Variants in PRKDC observed in about 807,000 individuals in gnomAD.
PRKDC encodes protein kinase, DNA-activated, catalytic subunit.
PRKDC carries 82 observed loss-of-function variants against 486.9 expected under a neutral mutation model. That is an observed-to-expected ratio of 0.17 (90% CI 0.14 to 0.20). The LOEUF is 0.20. PRKDC is among the 10% of genes least tolerant of loss of function. PRKDC has a pLI of 1.00. For synonymous variants in PRKDC, 1,895 were observed against 1,837.0 expected, an observed-to-expected ratio of 1.03 and a Z score of -0.81; for missense variants, 4,504 against 5,038.2, an observed-to-expected ratio of 0.89 and a Z score of 3.21.
At chr8:47,793,044 G>C in intron 74 of PRKDC, among the ~76,000 whole-genome samples, 1 of 152,116 alleles carries the variant, frequency 6.6e-6, no homozygotes, top group East Asian at 1.9e-4. Context: ...ACCATGCTTA[G>C]CTTATTTTTA....
intron 85 of PRKDC, among the ~76,000 whole-genome samples, chr8:47,776,598 C>T (rs773229533): frequency 7.2e-5 from 11 of 152,286 alleles, no homozygotes; most frequent in East Asian, 1.9e-4. Context: ...CTCCAATTGG[C>T]GCCACTGTTC....
At chr8:47,790,092 A>T (rs1046563082) in intron 74 of PRKDC, among the ~76,000 whole-genome samples, 1 of 152,206 alleles carries the variant, frequency 6.6e-6, no homozygotes, top group African/African-American at 2.4e-5. Context: ...AATAAAGGGT[A>T]TCTATATTAG....
intron 7 of PRKDC, among the ~76,000 whole-genome samples, chr8:47,948,679 C>G (rs922265950): frequency 1.3e-5 from 2 of 148,934 alleles, no homozygotes; most frequent in African/African-American, 2.5e-5. Context: ...TCAGGCTGGT[C>G]TCGAACTCCC....
At chr8:47,843,312 C>T (rs778936903) in intron 54 of PRKDC, among the ~76,000 whole-genome samples, 12 of 151,918 alleles carry the variant, frequency 7.9e-5, no homozygotes, top group Non-Finnish European at 1.3e-4. Flanking sequence ...AGCTTGAAGA[C>T]CAGTCCTTCA....
chr8:47,944,086 C>T (rs1304038117), intron 7 of PRKDC, 57 bp from the exon 8 acceptor site: 12 of 1,383,788 alleles, frequency 8.7e-6, no homozygotes, highest in Non-Finnish European at 1.0e-6. Flanking sequence ...ACATAACACA[C>T]TTTACAGACA....
chr8:47,849,529 T>A (rs2088355341), intron 52 of PRKDC, 26 bp from the exon 53 acceptor site: 1 of 1,607,806 alleles, frequency 6.2e-7, no homozygotes, highest in Admixed American at 1.7e-5. Context: ...TATTTTCAAA[T>A]ACACAAAAGT....
chr8:47,947,777 G>A (rs1289827285), intron 7 of PRKDC, among the ~76,000 whole-genome samples: 1 of 152,014 alleles, frequency 6.6e-6, no homozygotes, highest in African/African-American at 2.4e-5. Context: ...ACATGGCATT[G>A]CGCACCTATA....
Position 47,782,713 on chromosome 8 carries a change from C to T in PRKDC, c.11176-115G>A. On this transcript the variant is annotated intron_variant, in intron 78 of 85. Transcript: ENST00000314191. This position sits in a 1 kb window ranked among gnomAD's most constrained non-coding sequence, Gnocchi z 4.9. ...GTGGGGCCGCCCTCTGAAGACAGTG[C>T]CAAAGAGCAGAGCGCCCAGGCCAGC... The T allele has an allele frequency of 8.4e-7, 1 of 1,195,378 alleles. No individual in the cohort carries two copies. 74.0% of individuals were successfully genotyped at this position (1,195,378 alleles called of 1,614,324 possible). A position where few individuals can be genotyped will look rare whatever the true frequency, so the allele number is the denominator to read the frequency against.
chr8:47,897,803 G>C (rs1293204868), intron 29 of PRKDC, among the ~76,000 whole-genome samples: 2 of 152,198 alleles, frequency 1.3e-5, no homozygotes, highest in Non-Finnish European at 2.9e-5. Context: ...GTTAATAGTA[G>C]AATCTGGAAG....
chr8:47,859,327 C>T (rs2088619926), intron 46 of PRKDC, among the ~76,000 whole-genome samples: 1 of 152,086 alleles, frequency 6.6e-6, no homozygotes, highest in African/African-American at 2.4e-5. Flanking sequence ...CTATGTGACC[C>T]CCTGAACCGT....
In PRKDC at chr8:47,862,430, ACAG is replaced by A; in HGVS notation, c.5859_5861del (p.Cys1954del). On this transcript the variant is annotated inframe_deletion, in exon 43 of 86. Transcript: ENST00000314191. ...GGTAAAATTTTAACTCATTGAAGAC[ACAG>A]CAGATGACAGATATGGCGCAGTTGT... 6.2e-7 allele frequency: 1 copy of A among 1,614,020 alleles called. No individual in the cohort carries two copies. The highest frequency in any genetic ancestry group is 8.5e-7 in the Non-Finnish European group (1 of 1,179,874).
At chr8:47,834,546 T>C (rs1487228185) in intron 58 of PRKDC, 150 bp from the exon 59 acceptor site, 1 of 775,590 alleles carries the variant, frequency 1.3e-6, no homozygotes. Flanking sequence ...TCCCAGGGTA[T>C]GCCCCAAGGA....
intron 40 of PRKDC, among the ~76,000 whole-genome samples, chr8:47,875,056 A>G (rs1371431741): frequency 6.6e-6 from 1 of 152,196 alleles, no homozygotes; most frequent in East Asian, 1.9e-4. Context: ...TTGCATCCAA[A>G]AAAACAAAAA....
intron 4 of PRKDC, 59 bp from the exon 5 acceptor site, chr8:47,954,505 T>C: frequency 1.6e-6 from 1 of 631,152 alleles, no homozygotes; most frequent in Admixed American, 3.7e-5. Context: ...AAAAACACAA[T>C]ACAAATTAGC....
intron 21 of PRKDC, among the ~76,000 whole-genome samples, chr8:47,924,877 T>C (rs938247810): frequency 3.9e-5 from 6 of 152,244 alleles, no homozygotes; most frequent in Admixed American, 1.3e-4. Context: ...TCTGTATTTG[T>C]AGCTCACTTC....
At position 47,824,008 on chromosome 8, in the gene PRKDC, A is replaced by G. The variant is rs936629484; in HGVS notation, c.8784-12T>C. Reference sequence around the variant, plus strand: ...TTGATCTATACAGCCTACAAAACAAATCAAAAAGGCCAAATCAATGAACAC... The same window carrying G: ...TTGATCTATACAGCCTACAAAACAAGTCAAAAAGGCCAAATCAATGAACAC... On this transcript the variant is annotated splice_polypyrimidine_tract_variant and intron_variant, in intron 63 of 85. Transcript: ENST00000314191. The G allele has an allele frequency of 6.4e-7, 1 of 1,566,256 alleles. No homozygotes were observed. The highest frequency in any genetic ancestry group is 8.7e-7 in the Non-Finnish European group (1 of 1,152,044).
intron 26 of PRKDC, among the ~76,000 whole-genome samples, chr8:47,904,221 A>G (rs1194171430): frequency 1.3e-5 from 2 of 152,122 alleles, no homozygotes; most frequent in African/African-American, 4.8e-5. Flanking sequence ...ATTGAATCTG[A>G]GTATAGGAGA....
chr8:47,875,823 GTA>G (rs2089079469), intron 40 of PRKDC, among the ~76,000 whole-genome samples: 1 of 152,268 alleles, frequency 6.6e-6, no homozygotes, highest in East Asian at 1.9e-4. Context: ...TTATGGTCTA[GTA>G]TATAGTCTGT....
intron 54 of PRKDC, 34 bp from the exon 55 acceptor site, chr8:47,840,223 G>T (rs1264911735): frequency 2.0e-6 from 3 of 1,526,880 alleles, no homozygotes; most frequent in Non-Finnish European, 8.9e-7. Flanking sequence ...CACAAATTTA[G>T]CTATTTTTAT....
Sources: gnomAD v4.1 joint callset for allele counts (sites outside exome capture counted in the v4.1 genomes callset) on GRCh38, gnomAD v4.1.1 for gene constraint, Gnocchi (gnomAD v3.1) non-coding constraint, MANE v1.5 for transcripts, NCBI Gene and HGNC (gene_info 2026-07-23, HGNC 2026-07-21) for gene names.